The following ROBO1 variants were observed in gnomAD, a reference collection of about 807,000 sequenced individuals.
The protein encoded by ROBO1 is roundabout homolog 1.
ROBO1 carries 149 observed loss-of-function variants against 195.9 expected under a neutral mutation model. The ratio of observed to expected loss-of-function variants is 0.76; its 90% CI spans 0.67 to 0.87. The LOEUF (loss-of-function observed/expected upper bound fraction) is 0.87. Ranked by LOEUF, ROBO1 falls within the 40% of genes least tolerant of loss-of-function variation. The pLI is 0.00. For synonymous variants in ROBO1, 816 were observed against 733.2 expected (o/e 1.11, Z -1.82); for missense variants, 1,933 against 2,068.3 (o/e 0.93, Z 1.27).
intron 2 of ROBO1, among the ~76,000 whole-genome samples, chr3:79,298,807 G>A (rs1414160709): frequency 2.0e-5 from 3 of 151,972 alleles, no homozygotes; most frequent in Non-Finnish European, 2.9e-5. Context: ...TTATATTACT[G>A]AAGGAATTTA....
intron 1 of ROBO1, among the ~76,000 whole-genome samples, chr3:79,694,990 C>G (rs1489293580): frequency 6.6e-6 from 1 of 151,258 alleles, no homozygotes; most frequent in Admixed American, 6.6e-5. Flanking sequence ...TCTCTGTTTT[C>G]CCATTTTTTG....
intron 2 of ROBO1, among the ~76,000 whole-genome samples, chr3:79,316,044 C>T (rs2033716591): frequency 6.6e-6 from 1 of 152,142 alleles, no homozygotes; most frequent in Non-Finnish European, 1.5e-5. Context: ...TCAATAGGGA[C>T]AGGGATTTTT....
chr3:78,912,069 CAG>C (rs1224750362), intron 4 of ROBO1, among the ~76,000 whole-genome samples: 1 of 151,992 alleles, frequency 6.6e-6, no homozygotes, highest in Non-Finnish European at 1.5e-5. Flanking sequence ...ATATGCAACA[CAG>C]GGAAGAAAGT....
chr3:79,527,207 T>G (rs1380434243), intron 2 of ROBO1, among the ~76,000 whole-genome samples: 1 of 152,308 alleles, frequency 6.6e-6, no homozygotes, highest in African/African-American at 2.4e-5. Context: ...GTTTATTTGA[T>G]CATTTGCTTT....
At chr3:78,800,060 T>C (rs1239285359) in intron 4 of ROBO1, among the ~76,000 whole-genome samples, 1 of 152,198 alleles carries the variant, frequency 6.6e-6, no homozygotes, top group African/African-American at 2.4e-5. Context: ...TGGACAGATG[T>C]TTTGCTCACA....
chr3:79,316,525 AGACATGTGGATGAGGT>A (rs2033744396), intron 2 of ROBO1, among the ~76,000 whole-genome samples: 1 of 152,118 alleles, frequency 6.6e-6, no homozygotes, highest in African/African-American at 2.4e-5. Flanking sequence ...ATAGGTAGGT[AGACATGTGGATGAGGT>A]GGGGGGAACT....
chr3:78,785,361 G>C (rs2083801024), intron 4 of ROBO1, among the ~76,000 whole-genome samples: 1 of 152,132 alleles, frequency 6.6e-6, no homozygotes, highest in Admixed American at 6.5e-5. Context: ...AAAGTGGACA[G>C]TCTCTCTTTG....
intron 2 of ROBO1, among the ~76,000 whole-genome samples, chr3:79,389,122 C>T (rs1475598245): frequency 6.6e-6 from 1 of 151,884 alleles, no homozygotes; most frequent in Non-Finnish European, 1.5e-5. Context: ...TAACTTTTGA[C>T]TTTTGTATGA....
chr3:78,677,950 A>G (rs1480466274), intron 10 of ROBO1, among the ~76,000 whole-genome samples: 1 of 151,748 alleles, frequency 6.6e-6, no homozygotes, highest in Non-Finnish European at 1.5e-5. Flanking sequence ...CAAATGTAAA[A>G]GAACAGAAAT....
intron 2 of ROBO1, among the ~76,000 whole-genome samples, chr3:79,384,228 T>C (rs2036662106): frequency 6.6e-6 from 1 of 152,070 alleles, no homozygotes; most frequent in African/African-American, 2.4e-5. Flanking sequence ...CTATGAATGA[T>C]GAATAGTTTG....
intron 2 of ROBO1, among the ~76,000 whole-genome samples, chr3:79,490,669 T>G (rs574207436): frequency 6.6e-6 from 1 of 152,200 alleles, no homozygotes; most frequent in African/African-American, 2.4e-5. Context: ...CAGGAGAAAG[T>G]TGCCTTCCCT....
At chr3:78,615,107 T>C (rs1043065707) in intron 27 of ROBO1, among the ~76,000 whole-genome samples, 1 of 152,200 alleles carries the variant, frequency 6.6e-6, no homozygotes, top group African/African-American at 2.4e-5. Flanking sequence ...TGCAATTAGC[T>C]TCACTAAAAC....
intron 2 of ROBO1, among the ~76,000 whole-genome samples, chr3:79,129,147 A>G (rs2080274775): frequency 6.6e-6 from 1 of 152,160 alleles, no homozygotes; most frequent in African/African-American, 2.4e-5. Flanking sequence ...ACTCAACACT[A>G]AACTGATCGG....
intron 1 of ROBO1, among the ~76,000 whole-genome samples, chr3:79,704,231 C>T (rs1428637938): frequency 1.3e-5 from 2 of 151,916 alleles, no homozygotes; most frequent in African/African-American, 4.8e-5. Flanking sequence ...TTAGAGTTCA[C>T]TCTTGGTGTT....
At chr3:78,673,562 T>TATATA (rs1708201366) in intron 10 of ROBO1, among the ~76,000 whole-genome samples, 17 of 63,372 alleles carry the variant, frequency 2.7e-4, no homozygotes, top group Non-Finnish European at 5.2e-4. Flanking sequence ...TACATATATT[T>TATATA]TATATATATA....
chr3:78,993,663 G>A (rs984284865), intron 3 of ROBO1, among the ~76,000 whole-genome samples: 4 of 152,022 alleles, frequency 2.6e-5, no homozygotes, highest in Admixed American at 2.6e-4. Flanking sequence ...ACACCAGATC[G>A]GGTGGCTGTG....
chr3:79,210,980 T>C (rs1414026513), intron 2 of ROBO1, among the ~76,000 whole-genome samples: 3 of 152,086 alleles, frequency 2.0e-5, no homozygotes, highest in Admixed American at 6.6e-5. Context: ...TTATTAACTA[T>C]AAAATAGGCA....
chr3:78,927,558 G>A (rs1376785360), intron 4 of ROBO1, among the ~76,000 whole-genome samples: 1 of 152,086 alleles, frequency 6.6e-6, no homozygotes, highest in Non-Finnish European at 1.5e-5. Context: ...CAGAAAAGAG[G>A]TATGTTTAAA....
intron 2 of ROBO1, among the ~76,000 whole-genome samples, chr3:79,274,316 G>A (rs577607032): frequency 6.6e-6 from 1 of 151,306 alleles, no homozygotes; most frequent in South Asian, 2.1e-4. Flanking sequence ...TGACCACAAT[G>A]GAATAAAACT....
Sources: gnomAD v4.1 joint callset for allele counts (sites outside exome capture counted in the v4.1 genomes callset) on GRCh38, gnomAD v4.1.1 for gene constraint, MANE v1.5 for transcripts, NCBI Gene and HGNC (gene_info 2026-07-23, HGNC 2026-07-21) for gene names.